Variants in RNASET2 observed in about 807,000 individuals in gnomAD.
The protein encoded by RNASET2 is ribonuclease T2.
In RNASET2, 28 loss-of-function variants were observed where a neutral mutation model predicts 33.9. The observed-to-expected ratio is 0.83, with a 90% CI of 0.61 to 1.13. The LOEUF (loss-of-function observed/expected upper bound fraction) is 1.13, where lower values mean the gene tolerates loss of function less well. Among genes scored for constraint, RNASET2 ranks in the 50% most tolerant of loss-of-function variants. The pLI is 0.00. For missense variants in RNASET2, 330 were observed against 319.9 expected, an observed-to-expected ratio of 1.03 and a Z score of -0.24; for synonymous variants, 123 against 121.0, an observed-to-expected ratio of 1.02 and a Z score of -0.11.
In RNASET2 at chr6:166,954,948, G is replaced by A. The variant is rs1185648460; in HGVS notation, c.86+1149C>T. On this transcript the variant is annotated intron_variant, in intron 1 of 8. Coordinates refer to ENST00000508775, the MANE Select transcript of RNASET2 (RefSeq NM_003730.6). ...GGAGGTTGCAGTGAGCTGAGGTCAC[G>A]CCACTGTACTCCAGCCTGAGTGACA... Among the ~76,000 whole-genome samples, 4 of 152,038 alleles carry A rather than the reference G, an allele frequency of 2.6e-5. No individual in the cohort carries two copies. The East Asian group carries it at 5.8e-4, about 22-fold the overall frequency.
At chr6:166,952,380 C>A in intron 2 of RNASET2, 108 bp downstream of exon 2, 1 of 974,596 alleles carries the variant, frequency 1.0e-6, no homozygotes, top group Non-Finnish European at 1.7e-6. Flanking sequence ...CAGAGCGATG[C>A]CTACCTCCCG....
chr6:166,955,317 GCACACACACGCACGCA>G (rs1779115774), intron 1 of RNASET2, among the ~76,000 whole-genome samples: 1 of 46,630 alleles, frequency 2.1e-5, no homozygotes, highest in Non-Finnish European at 3.6e-5. Flanking sequence ...CGACACACAC[GCACACACACGCACGCA>G]CGCACACGCA....
chr6:166,948,660 CTT>C (rs773919022), intron 2 of RNASET2, 35 bp from the exon 3 acceptor site: 2 of 1,259,370 alleles, frequency 1.6e-6, no homozygotes, highest in South Asian at 1.2e-5. Flanking sequence ...ATGATTGGCT[CTT>C]TGTTTATTCA....
rs1445725467 is a variant in RNASET2, at chr6:166,956,532, A to T, written c.-350T>A. The T allele has an allele frequency of 2.9e-6, 1 of 343,310 alleles. No individual in the cohort carries two copies. Among genetic ancestry groups the T allele is most frequent in the Non-Finnish European group, 5.4e-6 (1 of 183,878 alleles). The allele number at this position is 343,310 out of a possible 1,614,324, so 21.3% of individuals were successfully genotyped here. On this transcript the variant is annotated 5_prime_UTR_variant, in exon 1 of 9. Transcript: ENST00000508775. The stretch of plus-strand genomic sequence containing the variant: ...CTGCAGCCGCCGTCCGCCCACGACC[A>T]CGGTCAGTCGCGTTGCTCCCAGCCC...
rs73789711 is a variant in RNASET2, at chr6:166,952,734, C to T, written c.87-186G>A. 4.9e-3 allele frequency: 2,973 copies of T among 603,122 alleles called. 61 individuals are homozygous for T. Among genetic ancestry groups the T allele is most frequent in the African/African-American group, 0.047 (2,547 of 54,596 alleles). The allele number at this position is 603,122 out of a possible 1,614,324, so 37.4% of individuals were successfully genotyped here. On this transcript the variant is annotated intron_variant, in intron 1 of 8. Coordinates refer to ENST00000508775, the MANE Select transcript of RNASET2 (RefSeq NM_003730.6). ...GGTACACCCCTACACTAAGAAGGCACGTGTGGTGGCGTCCAGTGCTGAGTG... is the reference window on the plus strand; with the variant it reads ...GGTACACCCCTACACTAAGAAGGCATGTGTGGTGGCGTCCAGTGCTGAGTG...
intron 5 of RNASET2, among the ~76,000 whole-genome samples, chr6:166,939,426 T>C (rs750701277): frequency 6.6e-6 from 1 of 152,236 alleles, no homozygotes; most frequent in Non-Finnish European, 1.5e-5. Context: ...GTCATTTCTT[T>C]TACAAAGTAG....
Position 166,926,048 on chromosome 6 carries a change from A to G in RNASET2, c.*3540T>C, listed in dbSNP as rs1159937199. On this transcript the variant is annotated 3_prime_UTR_variant, in exon 9 of 9. Coordinates refer to ENST00000508775, the MANE Select transcript of RNASET2 (RefSeq NM_003730.6). ...TGACAGTCAGGTGGCGTGGCAGTCA[A>G]TGCATGGCCCAGATGGGAGACTGAG... Among the ~76,000 whole-genome samples the G allele has an allele frequency of 2.0e-5, 3 of 152,204 alleles. No homozygotes were observed. The highest frequency in any genetic ancestry group is 4.4e-5 in the Non-Finnish European group (3 of 68,016).
At chr6:166,955,247 A>AGG (rs1779096398) in intron 1 of RNASET2, among the ~76,000 whole-genome samples, 2 of 90,774 alleles carry the variant, frequency 2.2e-5, no homozygotes, top group African/African-American at 1.1e-4. Flanking sequence ...ACGCACACAC[A>AGG]CGCACACACG....
At chr6:166,948,691 A>T (rs1356437312) in intron 2 of RNASET2, 66 bp from the exon 3 acceptor site, 1 of 949,604 alleles carries the variant, frequency 1.1e-6, no homozygotes, top group East Asian at 2.4e-5. Context: ...TAGGAACCCT[A>T]TTAAAATACA....
chr6:166,937,586 A>G (rs544397315), intron 6 of RNASET2, among the ~76,000 whole-genome samples: 2 of 152,374 alleles, frequency 1.3e-5, no homozygotes, highest in South Asian at 4.1e-4. Flanking sequence ...CAAACTATAT[A>G]CAAATCAAAG....
rs1778256271 is a variant in RNASET2 at position 166,923,070 on chromosome 6, TG to T, written c.*6517del. ...AGCATAAAGTCCATACAGCATTTAATGGATCTTAACTTTATCCATCTCAAAC... is the reference window on the plus strand; with the variant it reads ...AGCATAAAGTCCATACAGCATTTAATGATCTTAACTTTATCCATCTCAAAC... On this transcript the variant is annotated 3_prime_UTR_variant, in exon 9 of 9. Coordinates refer to ENST00000508775, the MANE Select transcript of RNASET2 (RefSeq NM_003730.6). 3.3e-5 allele frequency among the ~76,000 whole-genome samples: 5 copies of T among 152,370 alleles called. No homozygotes were observed. In the South Asian group the frequency reaches 1.0e-3, roughly 32 times the overall value.
At chr6:166,948,482 C>T in intron 3 of RNASET2, 88 bp downstream of exon 3, 1 of 843,394 alleles carries the variant, frequency 1.2e-6, no homozygotes, top group Non-Finnish European at 2.1e-6. Context: ...AAATAAAAAA[C>T]AAGAATAAAT....
At position 166,927,821 on chromosome 6, in the gene RNASET2, G is replaced by A. The variant is rs1001348411; in HGVS notation, c.*1767C>T. 1.3e-4 allele frequency among the ~76,000 whole-genome samples: 19 copies of A among 151,558 alleles called. No homozygotes were observed. The highest frequency in any genetic ancestry group is 4.6e-4 in the African/African-American group (19 of 41,106). ...TCCCTGAGGACGCAGAGCAAATGCA[G>A]GAAATCACGCCCTTCCAGGTGCAAA... On this transcript the variant is annotated 3_prime_UTR_variant, in exon 9 of 9. Coordinates refer to ENST00000508775, the MANE Select transcript of RNASET2 (RefSeq NM_003730.6).
At chr6:166,938,844 G>A (rs745816295) in intron 6 of RNASET2, 51 bp downstream of exon 6, 10 of 1,331,092 alleles carry the variant, frequency 7.5e-6, no homozygotes, top group East Asian at 2.3e-5. Flanking sequence ...AGGCTTGGGC[G>A]ACAGCAGAGA....
chr6:166,935,365 A>T (rs1467748437), intron 6 of RNASET2, among the ~76,000 whole-genome samples: 3 of 152,192 alleles, frequency 2.0e-5, no homozygotes, highest in Non-Finnish European at 2.9e-5. Flanking sequence ...GCTACTAGAA[A>T]ATTTAAAATG....
chr6:166,952,715 C>A (rs1779016250), intron 1 of RNASET2, 167 bp from the exon 2 acceptor site: 2 of 644,998 alleles, frequency 3.1e-6, no homozygotes, highest in East Asian at 2.9e-5. Flanking sequence ...AGGCGGTACA[C>A]CCCTACACTA....
rs1427361011 is a variant in RNASET2 at position 166,956,184 on chromosome 6, G to C, written c.-2C>G. 1 of 1,548,556 alleles carries C rather than the reference G, an allele frequency of 6.5e-7. No homozygotes were observed. Among genetic ancestry groups the C allele is most frequent in the East Asian group, 2.4e-5 (1 of 40,874 alleles). On this transcript the variant is annotated 5_prime_UTR_variant, in exon 1 of 9. Coordinates refer to ENST00000508775, the MANE Select transcript of RNASET2 (RefSeq NM_003730.6). ...CCCGCGCAGGGCTGCAGGGCGCATG[G>C]TGCCGACCTGCGGAGAGAACGCTGC...
chr6:166,946,406 G>A (rs111311477), intron 4 of RNASET2, among the ~76,000 whole-genome samples: 1 of 152,216 alleles, frequency 6.6e-6, no homozygotes. Flanking sequence ...TGGCATGGGG[G>A]AGTGTCAGGG....
At chr6:166,947,797 G>A (rs2093415) in intron 3 of RNASET2, among the ~76,000 whole-genome samples, 10,890 of 152,208 alleles carry the variant, frequency 0.072, 465 homozygotes, top group African/African-American at 0.12. Context: ...GGGACAAAAC[G>A]GGTCCTTCAG....
Sources: gnomAD v4.1 joint callset for allele counts (sites outside exome capture counted in the v4.1 genomes callset) on GRCh38, gnomAD v4.1.1 for gene constraint, MANE v1.5 for transcripts, NCBI Gene and HGNC (gene_info 2026-07-23, HGNC 2026-07-21) for gene names.